Variants in TAF5 observed in about 807,000 individuals in gnomAD.
TAF5 encodes the protein transcription initiation factor TFIID subunit 5.
Under a neutral mutation model 80.9 loss-of-function variants are expected in TAF5, and 20 were observed. The observed-to-expected ratio is 0.25, with a 90% CI of 0.17 to 0.36. TAF5 has a LOEUF of 0.36. TAF5 is among the 10% of genes least tolerant of loss of function. The pLI is 1.00. For synonymous variants in TAF5, 388 were observed against 406.4 expected, an observed-to-expected ratio of 0.95 and a Z score of 0.55; for missense variants, 863 against 1,029.4, an observed-to-expected ratio of 0.84 and a Z score of 2.21.
In TAF5 at chr10:103,368,025, G is replaced by A. The variant is rs1234153173; in HGVS notation, c.36G>A (p.Ala12=). The A allele has an allele frequency of 6.8e-6, 10 of 1,468,022 alleles. No individual in the cohort carries two copies. Among genetic ancestry groups the A allele is most frequent in the African/African-American group, 1.5e-5 (1 of 67,842 alleles). The allele number at this position is 1,468,022 out of a possible 1,614,324, so 90.9% of individuals were successfully genotyped here. ...TGGCGGAGGAGCAGACGGAGGTGGC[G>A]GTCAAGCTAGAGCCTGAGGGACCGC... The part of the protein sequence containing the change: ...AALAEEQTEV[A]VKLEPEGPPT... Residue 12 remains alanine, a synonymous_variant, in exon 1 of 11, where the codon GCG becomes GCA. Transcript: ENST00000369839.
intron 1 of TAF5, 108 bp from the exon 2 acceptor site, chr10:103,373,250 A>T: frequency 1.2e-6 from 1 of 844,106 alleles, no homozygotes; most frequent in East Asian, 2.4e-5. Flanking sequence ...AGTGGGAAGA[A>T]AGAGACAACA....
intron 1 of TAF5, among the ~76,000 whole-genome samples, chr10:103,372,631 G>A (rs990402665): frequency 1.3e-5 from 2 of 150,648 alleles, no homozygotes; most frequent in Non-Finnish European, 3.0e-5. Flanking sequence ...ACCGCACCCG[G>A]CGGCTCATAC....
At chr10:103,386,216 A>G (rs1164051752) in intron 8 of TAF5, among the ~76,000 whole-genome samples, 1 of 152,030 alleles carries the variant, frequency 6.6e-6, no homozygotes, top group Non-Finnish European at 1.5e-5. Flanking sequence ...AGGAGGGCAG[A>G]TAACTTGAGG....
chr10:103,369,141 G>A (rs11191667), intron 1 of TAF5, among the ~76,000 whole-genome samples: 40,716 of 151,372 alleles, frequency 0.27, 6,521 homozygotes, highest in South Asian at 0.5. Context: ...GCCACGGCCG[G>A]CTAATTTTTG....
rs765598323 is a variant in TAF5, at chr10:103,378,414, A to G, written c.977A>G (p.Asn326Ser). The part of the protein sequence containing the change: ...LLKRHLQEKQ[N>S]NQIWNIVQEH... ...AAGAGGCATCTTCAGGAGAAACAGA[A>G]CAATCAGATATGGAACATAGTTCAG... Residue 326 changes from asparagine to serine, a missense_variant, in exon 3 of 11, where the codon AAC becomes AGC. Around this residue, in one of 3 missense-constraint regions of TAF5, gnomAD observed 128 missense variants for 232.2 expected, o/e 0.55. Coordinates refer to ENST00000369839, the MANE Select transcript of TAF5 (RefSeq NM_006951.5). The surrounding 1 kb of genome is among the most constrained non-coding windows in gnomAD (Gnocchi z 4.1). 1 of 1,614,168 alleles carries G rather than the reference A, an allele frequency of 6.2e-7. No homozygotes were observed. The highest frequency in any genetic ancestry group is 1.1e-5 in the South Asian group (1 of 91,076).
At position 103,379,532 on chromosome 10, in the gene TAF5, T is replaced by G. The variant is rs138693926; in HGVS notation, c.1114-76T>G. ...GTAAATTACTATTTTGTAATTGTGA[T>G]TTATCCTATCAAGATGTAAAATGGG... On this transcript the variant is annotated intron_variant, in intron 3 of 10. Transcript: ENST00000369839. 2.3e-4 allele frequency: 281 copies of G among 1,239,578 alleles called. 2 individuals are homozygous for G. Among genetic ancestry groups the G allele is most frequent in the Middle Eastern group, 2.0e-3 (7 of 3,524 alleles). 76.8% of individuals were successfully genotyped at this position (1,239,578 alleles called of 1,614,324 possible).
intron 1 of TAF5, among the ~76,000 whole-genome samples, chr10:103,370,514 A>C (rs980267798): frequency 1.3e-5 from 2 of 151,594 alleles, no homozygotes; most frequent in African/African-American, 2.4e-5. Context: ...TTTTTATTAG[A>C]GACGGGGTTT....
chr10:103,383,041 A>G (rs1484060808), intron 6 of TAF5, among the ~76,000 whole-genome samples, 197 bp from the exon 7 acceptor site: 2 of 152,140 alleles, frequency 1.3e-5, no homozygotes, highest in South Asian at 2.1e-4. Flanking sequence ...CACTCTAGCA[A>G]ATTATCTGTT....
chr10:103,388,040 T>C lies in TAF5; in HGVS notation c.2220T>C (p.Ala740=). Residue 740 remains alanine, a synonymous_variant, in exon 11 of 11, where the codon GCT becomes GCC. Coordinates refer to ENST00000369839, the MANE Select transcript of TAF5 (RefSeq NM_006951.5). ...SMDNTVRLWD[A]IKAFEDLETD... The stretch of plus-strand genomic sequence containing the variant: ...ATAATACAGTTCGATTATGGGATGC[T>C]ATCAAAGCCTTTGAAGATTTAGAGA... 1 of 1,614,100 alleles carries C rather than the reference T, an allele frequency of 6.2e-7. No individual in the cohort carries two copies. Among genetic ancestry groups the C allele is most frequent in the Non-Finnish European group, 8.5e-7 (1 of 1,179,970 alleles).
chr10:103,387,078 T>C, intron 8 of TAF5, 97 bp from the exon 9 acceptor site: 2 of 1,280,322 alleles, frequency 1.6e-6, no homozygotes, highest in Non-Finnish European at 1.1e-6. Context: ...GAACTAACTT[T>C]TTATGTGGAT....
intron 1 of TAF5, among the ~76,000 whole-genome samples, chr10:103,370,622 C>T (rs548886154): frequency 6.0e-4 from 92 of 152,076 alleles, no homozygotes; most frequent in African/African-American, 2.0e-3. Context: ...CCACCGTGCC[C>T]GGCCACTTGA....
At position 103,388,275 on chromosome 10, in the gene TAF5, T is replaced by TAA; in HGVS notation, c.*55_*56dup. 7.2e-7 allele frequency: 1 copy of TAA among 1,393,160 alleles called. No homozygotes were observed. Among genetic ancestry groups the TAA allele is most frequent in the African/African-American group, 1.4e-5 (1 of 69,346 alleles). 86.3% of individuals were successfully genotyped at this position (1,393,160 alleles called of 1,614,324 possible). On this transcript the variant is annotated 3_prime_UTR_variant, in exon 11 of 11. Transcript: ENST00000369839. ...AGCTACTGTTTTTAAAAAGGGAGAC[T>TAA]AAAAGCAAATACCTCAGTGATTAAT...
At position 103,368,129 on chromosome 10, in the gene TAF5, G is replaced by T; in HGVS notation, c.140G>T (p.Gly47Val). 1 of 1,400,126 alleles carries T rather than the reference G, an allele frequency of 7.1e-7. No individual in the cohort carries two copies. 86.7% of individuals were successfully genotyped at this position (1,400,126 alleles called of 1,614,324 possible). Residue 47 changes from glycine to valine, a missense_variant, in exon 1 of 11, where the codon GGC becomes GTC. Transcript: ENST00000369839. Reference sequence around the variant, plus strand: ...ACTACCAACAACGGCCCCAACGGCGGCGGCGGGAACGTTGCGGCGTCGTCG... The same window carrying T: ...ACTACCAACAACGGCCCCAACGGCGTCGGCGGGAACGTTGCGGCGTCGTCG... ...GGTTNNGPNG[G>V]GGNVAASSST...
intron 7 of TAF5, among the ~76,000 whole-genome samples, chr10:103,385,107 A>G (rs1186464368): frequency 6.6e-6 from 1 of 152,168 alleles, no homozygotes; most frequent in Non-Finnish European, 1.5e-5. Flanking sequence ...GGTGCTCGGT[A>G]TATGTAGAGT....
At position 103,368,131 on chromosome 10, in the gene TAF5, G is replaced by A; in HGVS notation, c.142G>A (p.Gly48Ser). 7.1e-7 allele frequency: 1 copy of A among 1,398,744 alleles called. No individual in the cohort carries two copies. Among genetic ancestry groups the A allele is most frequent in the Non-Finnish European group, 9.3e-7 (1 of 1,076,490 alleles). The allele number at this position is 1,398,744 out of a possible 1,614,324, so 86.6% of individuals were successfully genotyped here. Residue 48 changes from glycine (G) to serine (S), a missense_variant, in exon 1 of 11, where the codon GGC becomes AGC. Coordinates refer to ENST00000369839, the MANE Select transcript of TAF5 (RefSeq NM_006951.5). ...GTTNNGPNGG[G>S]GNVAASSSTG... ...TACCAACAACGGCCCCAACGGCGGC[G>A]GCGGGAACGTTGCGGCGTCGTCGTC...
chr10:103,384,071 T>C (rs550879581), intron 7 of TAF5, among the ~76,000 whole-genome samples: 1 of 152,298 alleles, frequency 6.6e-6, no homozygotes, highest in African/African-American at 2.4e-5. Context: ...GCATTGTGTC[T>C]TCTGGCTGCT....
chr10:103,381,043 A>T (rs1365007313), intron 5 of TAF5, among the ~76,000 whole-genome samples: 2 of 146,766 alleles, frequency 1.4e-5, no homozygotes, highest in Non-Finnish European at 3.0e-5. Flanking sequence ...TCCGCCTCCC[A>T]GTTCAAGTGA....
At chr10:103,383,500 C>G (rs1341947749) in intron 7 of TAF5, 133 bp downstream of exon 7, 3 of 844,406 alleles carry the variant, frequency 3.6e-6, no homozygotes, top group Non-Finnish European at 5.1e-6. Context: ...CGTTCATCAT[C>G]TTTTAGAATC....
intron 1 of TAF5, among the ~76,000 whole-genome samples, chr10:103,372,436 G>A (rs2093361705): frequency 6.6e-6 from 1 of 150,872 alleles, no homozygotes; most frequent in Non-Finnish European, 1.5e-5. Context: ...CCGAGTTCAT[G>A]CCATTCTCCT....
Sources: allele counts gnomAD v4.1 joint callset (sites outside exome capture counted in the v4.1 genomes callset), GRCh38; gene constraint gnomAD v4.1.1; regional missense constraint gnomAD v4.1.1; non-coding constraint Gnocchi (gnomAD v3.1); transcripts MANE v1.5; gene names NCBI Gene and HGNC (gene_info 2026-07-23, HGNC 2026-07-21).